The following ZNF225 variants were observed in gnomAD, a reference collection of about 807,000 sequenced individuals.
ZNF225 encodes the protein zinc finger protein 225.
A neutral mutation model predicts 12.0 loss-of-function variants in ZNF225; 6 were observed. The ratio of observed to expected loss-of-function variants is 0.50; its 90% CI spans 0.27 to 0.98. ZNF225 has a LOEUF of 0.98. ZNF225 is among the 50% of genes least tolerant of loss of function. The pLI, the probability that ZNF225 is intolerant of heterozygous loss-of-function variation, is 0.11. For synonymous variants in ZNF225, 271 were observed against 283.2 expected (o/e 0.96, Z 0.43); for missense variants, 763 against 848.2 (o/e 0.90, Z 1.25).
intron 4 of ZNF225, among the ~76,000 whole-genome samples, chr19:44,125,087 A>AT (rs1350431625): frequency 6.6e-6 from 1 of 151,582 alleles, no homozygotes; most frequent in African/African-American, 2.4e-5. Flanking sequence ...TGGTTTTTGT[A>AT]TTTTTTTGTT....
intron 4 of ZNF225, among the ~76,000 whole-genome samples, chr19:44,127,754 T>C (rs1332638687): frequency 6.6e-6 from 1 of 152,056 alleles, no homozygotes; most frequent in Non-Finnish European, 1.5e-5. Context: ...TTCAAGTGAT[T>C]CTCCTGCCTC....
rs757605338 is a variant in ZNF225 at position 44,131,011 on chromosome 19, C to T, written c.397C>T (p.Gln133Ter). The T allele has an allele frequency of 5.0e-6, 8 of 1,613,926 alleles. No individual in the cohort carries two copies. The South Asian group carries it at 7.7e-5, about 16-fold the overall frequency. ...CTCCAAACAAGATGATATGCCCTGC[C>T]AGGTTGATGCAGGACTATCTATAAT... ...QFSKQDDMPCQVDAGLSIIHV... is the reference protein window; with the variant it reads ...QFSKQDDMPC Residue 133 changes from glutamine (Q) to a stop codon, truncating the protein, a stop_gained, in exon 5 of 5, where the codon CAG becomes TAG. Transcript: ENST00000262894. LOFTEE classifies it low-confidence loss of function (END_TRUNC).
At chr19:44,114,873 T>G (rs899981975) in intron 1 of ZNF225, among the ~76,000 whole-genome samples, 3 of 152,350 alleles carry the variant, frequency 2.0e-5, no homozygotes, top group South Asian at 2.1e-4. Flanking sequence ...ACTTCATTGG[T>G]GATCTCAACT....
intron 4 of ZNF225, among the ~76,000 whole-genome samples, chr19:44,127,247 A>T (rs1310093617): frequency 6.6e-6 from 1 of 152,160 alleles, no homozygotes; most frequent in Non-Finnish European, 1.5e-5. Flanking sequence ...TATCTTACTC[A>T]GCTCTCTAAA....
At chr19:44,128,852 T>C (rs1199394971) in intron 4 of ZNF225, 3 of 395,918 alleles carry the variant, frequency 7.6e-6, no homozygotes, top group African/African-American at 2.1e-5. Flanking sequence ...AGTGTTTATT[T>C]TGAAAATGGG....
Position 44,132,283 on chromosome 19 carries a change from A to G in ZNF225, c.1669A>G (p.Met557Val), listed in dbSNP as rs750945898. Residue 557 changes from methionine (M) to valine (V), a missense_variant, in exon 5 of 5, where the codon ATG (methionine) becomes GTG (valine). Transcript: ENST00000262894. Reference protein sequence around the residue: ...KGFNSKFNLDMHQRVHTGERP... With the variant: ...KGFNSKFNLDVHQRVHTGERP... ...CTTCAACAGTAAGTTTAATCTTGAC[A>G]TGCACCAGAGGGTCCACACCGGAGA... 1.2e-6 allele frequency: 2 copies of G among 1,613,278 alleles called. No homozygotes were observed. The highest frequency in any genetic ancestry group is 1.7e-5 in the Admixed American group (1 of 59,968).
At chr19:44,116,969 TG>T (rs1012475971) in intron 2 of ZNF225, among the ~76,000 whole-genome samples, 3 of 54,456 alleles carry the variant, frequency 5.5e-5, no homozygotes, top group African/African-American at 1.3e-4. Flanking sequence ...CTACCCAAAA[TG>T]TTTTTTTTTA....
At chr19:44,121,695 G>A (rs1264436040) in intron 4 of ZNF225, among the ~76,000 whole-genome samples, 2 of 152,180 alleles carry the variant, frequency 1.3e-5, no homozygotes, top group Non-Finnish European at 2.9e-5. Context: ...ATTCTTGCAG[G>A]AGTAAGGTGG....
At chr19:44,115,204 G>A (rs1486524235) in intron 1 of ZNF225, among the ~76,000 whole-genome samples, 1 of 151,980 alleles carries the variant, frequency 6.6e-6, no homozygotes, top group East Asian at 1.9e-4. Flanking sequence ...CTTTATTGAG[G>A]TGTATTCTAC....
rs778004563 is a variant in ZNF225 at position 44,132,164 on chromosome 19, G to A, written c.1550G>A (p.Cys517Tyr). Residue 517 changes from cysteine to tyrosine, a missense_variant, in exon 5 of 5, where the codon TGT becomes TAT. Physicochemically the swap from Cys to Tyr is radical, Grantham distance 194 (BLOSUM62 -2). Coordinates refer to ENST00000262894, the MANE Select transcript of ZNF225 (RefSeq NM_013362.4). ...GAAAAACCATTCAAATGTGAAGAGT[G>A]TGGGAAAAGATTTACTCAGAATTCA... is the stretch of plus-strand genomic sequence containing the variant. ...SGEKPFKCEE[C>Y]GKRFTQNSQL... The A allele has an allele frequency of 2.5e-6, 4 of 1,614,188 alleles. No homozygotes were observed. Among genetic ancestry groups the A allele is most frequent in the Admixed American group, 1.7e-5 (1 of 60,024 alleles).
At chr19:44,126,299 T>G (rs185427585) in intron 4 of ZNF225, among the ~76,000 whole-genome samples, 22 of 152,290 alleles carry the variant, frequency 1.4e-4, no homozygotes, top group African/African-American at 4.8e-4. Flanking sequence ...CTGCCGTGAT[T>G]GTTGTCTCTA....
In ZNF225 at chr19:44,131,447, A is replaced by G; in HGVS notation, c.833A>G (p.His278Arg). 6.2e-7 allele frequency: 1 copy of G among 1,614,234 alleles called. No individual in the cohort carries two copies. The highest frequency in any genetic ancestry group is 8.5e-7 in the Non-Finnish European group (1 of 1,180,036). The change falls in exon 5 of 5, where the codon CAT becomes CGT. Residue 278 changes from histidine to arginine, a missense_variant. His to Arg is a conservative substitution (Grantham distance 29). Transcript: ENST00000262894. Reference sequence around the variant, plus strand: ...ATTCATGATTCCCAGCTTCAGGAACATCAAAGAATCCATACTGGGGAGAAG... The same window carrying G: ...ATTCATGATTCCCAGCTTCAGGAACGTCAAAGAATCCATACTGGGGAGAAG... ...AFIHDSQLQE[H>R]QRIHTGEKPF...
chr19:44,115,877 T>G (rs1219874427), intron 2 of ZNF225, 35 bp downstream of exon 2: 1 of 1,608,146 alleles, frequency 6.2e-7, no homozygotes, highest in Admixed American at 1.7e-5. Context: ...TGTTAAAATT[T>G]CTTTTATGGA....
At position 44,131,335 on chromosome 19, in the gene ZNF225, T is replaced by C. The variant is rs1444948762; in HGVS notation, c.721T>C (p.Phe241Leu). The C allele has an allele frequency of 6.2e-7, 1 of 1,614,164 alleles. No homozygotes were observed. The highest frequency in any genetic ancestry group is 1.1e-5 in the South Asian group (1 of 91,072). The change falls in exon 5 of 5, where the codon TTT becomes CTT. Residue 241 changes from phenylalanine (F) to leucine (L), a missense_variant. By Grantham distance (22) the Phe-to-Leu change is conservative. Coordinates refer to ENST00000262894, the MANE Select transcript of ZNF225 (RefSeq NM_013362.4). The stretch of plus-strand genomic sequence containing the variant: ...CAAATGTGAGCAGTGTGGGAAAGGC[T>C]TTAGTCGTAGATCAGGACTTTATGT... ...PFKCEQCGKG[F>L]SRRSGLYVHR...
Position 44,132,495 on chromosome 19 carries a change from G to A in ZNF225, c.1881G>A (p.Glu627=). 6.2e-7 allele frequency: 1 copy of A among 1,613,984 alleles called. No individual in the cohort carries two copies. The highest frequency in any genetic ancestry group is 1.3e-5 in the African/African-American group (1 of 75,006). The change falls in exon 5 of 5, where the codon GAG becomes GAA. Residue 627 remains glutamate (E), a synonymous_variant. Transcript: ENST00000262894. ...VHTGEKPYKC[E]KCGKSFRWAS... ...CTGGGGAAAAGCCATACAAATGTGA[G>A]AAGTGTGGAAAGAGCTTCAGATGGG...
At position 44,132,423 on chromosome 19, in the gene ZNF225, G is replaced by A. The variant is rs1466494949; in HGVS notation, c.1809G>A (p.Lys603=). ...EKPFKCEECG[K]RFTENSQLHS... The stretch of plus-strand genomic sequence containing the variant: ...CATTCAAATGTGAAGAGTGTGGGAA[G>A]AGATTTACTGAGAATTCACAGCTTC... Residue 603 remains lysine (K), a synonymous_variant, in exon 5 of 5, where the codon AAG becomes AAA. Coordinates refer to ENST00000262894, the MANE Select transcript of ZNF225 (RefSeq NM_013362.4). The A allele has an allele frequency of 6.2e-7, 1 of 1,614,038 alleles. No individual in the cohort carries two copies. Among genetic ancestry groups the A allele is most frequent in the African/African-American group, 1.3e-5 (1 of 74,920 alleles).
intron 4 of ZNF225, chr19:44,129,371 C>T: frequency 4.0e-6 from 1 of 251,628 alleles, no homozygotes; most frequent in Non-Finnish European, 7.5e-6. Flanking sequence ...GGGAAAGATG[C>T]ATATTACAAT....
At chr19:44,122,789 T>A (rs1368469175) in intron 4 of ZNF225, among the ~76,000 whole-genome samples, 2 of 152,140 alleles carry the variant, frequency 1.3e-5, no homozygotes, top group African/African-American at 2.4e-5. Flanking sequence ...CTTGATTTGA[T>A]TCTCTGCTTG....
intron 4 of ZNF225, among the ~76,000 whole-genome samples, chr19:44,120,009 G>A (rs948532150): frequency 7.2e-5 from 11 of 152,182 alleles, no homozygotes. Flanking sequence ...ACTGAGATCA[G>A]GAGTTTGAGA....
Sources: gnomAD v4.1 joint callset for allele counts (sites outside exome capture counted in the v4.1 genomes callset) on GRCh38, gnomAD v4.1.1 for gene constraint, MANE v1.5 for transcripts, NCBI Gene and HGNC (gene_info 2026-07-23, HGNC 2026-07-21) for gene names.